SDK1: variants seen among roughly 807,000 people sequenced by gnomAD.
The protein encoded by SDK1 is protein sidekick-1.
Under a neutral mutation model 245.5 loss-of-function variants are expected in SDK1, and 157 were observed. The ratio of observed to expected loss-of-function variants is 0.64; its 90% CI spans 0.56 to 0.73. The LOEUF (loss-of-function observed/expected upper bound fraction) is 0.73. Ranked by LOEUF, SDK1 falls within the 30% of genes least tolerant of loss-of-function variation. The probability of loss-of-function intolerance (pLI) is 0.00; values close to 1 mark genes in which losing one functional copy is unlikely to be tolerated. For synonymous variants in SDK1, 1,647 were observed against 1,278.5 expected (o/e 1.29, Z -6.15); for missense variants, 3,583 against 3,002.3 (o/e 1.19, Z -4.52).
rs771415633 is a variant in SDK1 at position 3,642,072 on chromosome 7, G to C, written c.680G>C (p.Arg227Thr). ...CCCAGACCTCAAGTGACTTGGTTTA[G>C]AGAAGGGCACAAGATTATTCCAAGC... ...SYPRPQVTWF[R>T]EGHKIIPSNR... Residue 227 changes from arginine (R) to threonine (T), a missense_variant, in exon 4 of 45, where the codon AGA becomes ACA. Physicochemically the swap from Arg to Thr is moderately conservative, Grantham distance 71. Transcript: ENST00000404826. The C allele has an allele frequency of 1.9e-6, 3 of 1,614,038 alleles. No individual in the cohort carries two copies. The highest frequency in any genetic ancestry group is 1.3e-5 in the African/African-American group (1 of 74,922).
intron 22 of SDK1, among the ~76,000 whole-genome samples, chr7:4,091,079 C>T (rs190145163): frequency 6.6e-6 from 1 of 152,294 alleles, no homozygotes; most frequent in East Asian, 1.9e-4. Flanking sequence ...GACTCTTTCA[C>T]TGCTGCCCTT....
At chr7:3,842,604 T>C (rs778032204) in intron 5 of SDK1, among the ~76,000 whole-genome samples, 4 of 152,124 alleles carry the variant, frequency 2.6e-5, no homozygotes, top group Admixed American at 6.5e-5. Context: ...CCCATGGTGC[T>C]CCCACACTGG....
intron 1 of SDK1, among the ~76,000 whole-genome samples, chr7:3,467,882 A>C (rs909267679): frequency 6.6e-6 from 1 of 152,094 alleles, no homozygotes; most frequent in African/African-American, 2.4e-5. Context: ...GGAATCTGAA[A>C]ATGCATCACA....
chr7:3,537,146 C>A (rs1056980800), intron 1 of SDK1, among the ~76,000 whole-genome samples: 1 of 152,184 alleles, frequency 6.6e-6, no homozygotes, highest in Admixed American at 6.5e-5. Flanking sequence ...ATTCCCTCTT[C>A]GCAGACAGCT....
intron 17 of SDK1, among the ~76,000 whole-genome samples, chr7:4,018,306 T>G (rs2128152586): frequency 6.6e-6 from 1 of 152,364 alleles, no homozygotes; most frequent in East Asian, 1.9e-4. Context: ...AAATCATGCC[T>G]GAGACCTAAT....
intron 1 of SDK1, among the ~76,000 whole-genome samples, chr7:3,323,331 A>G (rs2128548217): frequency 6.6e-6 from 1 of 152,344 alleles, no homozygotes; most frequent in South Asian, 2.1e-4. Flanking sequence ...AATATGTTGT[A>G]TAATTCTTTT....
intron 32 of SDK1, among the ~76,000 whole-genome samples, chr7:4,164,468 A>G (rs1781366863): frequency 6.6e-6 from 1 of 152,222 alleles, no homozygotes; most frequent in Non-Finnish European, 1.5e-5. Flanking sequence ...AGAGACATTC[A>G]AAATGGAAAT....
rs1403163635 is a variant in SDK1, at chr7:3,601,849, C to T, written c.299-17231C>T. 1.5e-4 allele frequency among the ~76,000 whole-genome samples: 21 copies of T among 138,688 alleles called. No individual in the cohort carries two copies. In the South Asian group the frequency reaches 4.5e-3, roughly 30 times the overall value. The allele number at this position is 138,688 out of a possible 152,430, so 91.0% of individuals were successfully genotyped here. On this transcript the variant is annotated intron_variant, in intron 1 of 44. Coordinates refer to ENST00000404826, the MANE Select transcript of SDK1 (RefSeq NM_152744.4). ...CCCCTTCCCCCACCCCACAACAGTC[C>T]CCAGTGTGTGATGTTCCCCTTCCTG... is the stretch of plus-strand genomic sequence containing the variant.
intron 5 of SDK1, among the ~76,000 whole-genome samples, chr7:3,841,674 C>G (rs1339149966): frequency 6.6e-6 from 1 of 151,816 alleles, no homozygotes; most frequent in Non-Finnish European, 1.5e-5. Flanking sequence ...TCAAGCGATT[C>G]TTCTCAGCCT....
chr7:4,180,779 A>G (rs1782560275), intron 35 of SDK1, among the ~76,000 whole-genome samples: 1 of 152,126 alleles, frequency 6.6e-6, no homozygotes, highest in African/African-American at 2.4e-5. Context: ...GGAGCAAGAG[A>G]GCGCAAGAGG....
intron 22 of SDK1, among the ~76,000 whole-genome samples, chr7:4,103,642 T>G (rs1217931047): frequency 6.6e-6 from 1 of 152,236 alleles, no homozygotes; most frequent in African/African-American, 2.4e-5. Flanking sequence ...CATGTTCATT[T>G]GTAAATTCGT....
rs530589409 is a variant in SDK1, at chr7:3,993,460, C to T, written c.2131+6138C>T. Among the ~76,000 whole-genome samples the T allele has an allele frequency of 2.7e-3, 411 of 152,120 alleles. 1 individual carries two copies. The highest frequency in any genetic ancestry group is 9.2e-3 in the African/African-American group (380 of 41,496). ...GAATCCTTCATTCTACTCAGTCCTA[C>T]GGTTAGTTTTTTAATAGGATGAGTG... On this transcript the variant is annotated intron_variant, in intron 14 of 44. Coordinates refer to ENST00000404826, the MANE Select transcript of SDK1 (RefSeq NM_152744.4).
chr7:3,328,806 A>T (rs1215315562), intron 1 of SDK1, among the ~76,000 whole-genome samples: 2 of 152,102 alleles, frequency 1.3e-5, no homozygotes, highest in East Asian at 3.8e-4. Context: ...TATACAGTTC[A>T]GTTAGTTCAG....
chr7:3,660,523 C>G (rs1783318470), intron 4 of SDK1, among the ~76,000 whole-genome samples: 1 of 152,136 alleles, frequency 6.6e-6, no homozygotes, highest in Admixed American at 6.6e-5. Context: ...CTTTCCATAT[C>G]TTTTGTCACC....
intron 5 of SDK1, among the ~76,000 whole-genome samples, chr7:3,831,030 T>G (rs925269348): frequency 7.2e-5 from 11 of 152,198 alleles, no homozygotes; most frequent in African/African-American, 2.7e-4. Context: ...TTGTCTACTC[T>G]CCTTGTCTCT....
intron 35 of SDK1, among the ~76,000 whole-genome samples, chr7:4,203,013 C>T (rs1783977610): frequency 1.3e-5 from 2 of 152,308 alleles, no homozygotes; most frequent in South Asian, 4.1e-4. Context: ...AGCTGAAGCT[C>T]GCTGGCCACT....
intron 4 of SDK1, among the ~76,000 whole-genome samples, chr7:3,765,844 A>T (rs895003803): frequency 2.6e-5 from 4 of 152,178 alleles, no homozygotes; most frequent in Non-Finnish European, 5.9e-5. Flanking sequence ...TAAAGGAGGC[A>T]TTATTAAATA....
intron 4 of SDK1, among the ~76,000 whole-genome samples, chr7:3,735,483 T>C (rs1212615134): frequency 6.6e-6 from 1 of 152,216 alleles, no homozygotes; most frequent in Non-Finnish European, 1.5e-5. Flanking sequence ...ACACATGTGG[T>C]AGCGTGTGTC....
intron 31 of SDK1, 25 bp downstream of exon 31, chr7:4,158,576 C>A: frequency 3.9e-6 from 6 of 1,548,196 alleles, no homozygotes; most frequent in Non-Finnish European, 4.5e-6. Context: ...GCCCAGACCG[C>A]GTTCCTGGCC....
Sources: gnomAD v4.1 joint callset for allele counts (sites outside exome capture counted in the v4.1 genomes callset) on GRCh38, gnomAD v4.1.1 for gene constraint, MANE v1.5 for transcripts, NCBI Gene and HGNC (gene_info 2026-07-23, HGNC 2026-07-21) for gene names.